Variants in OVOL2 observed in about 807,000 individuals in gnomAD.
OVOL2 encodes the protein ovo like zinc finger 2.
OVOL2 carries 13 observed loss-of-function variants against 18.1 expected under a neutral mutation model. The ratio of observed to expected loss-of-function variants is 0.72; its 90% confidence interval spans 0.47 to 1.14. OVOL2 has a LOEUF of 1.14. OVOL2 is among the 50% of genes most tolerant of loss of function. The probability of loss-of-function intolerance (pLI) is 0.00; values close to 1 mark genes in which losing one functional copy is unlikely to be tolerated. For missense variants in OVOL2, 335 were observed against 383.0 expected, an observed-to-expected ratio of 0.87 and a Z score of 1.05; for synonymous variants, 166 against 162.7, an observed-to-expected ratio of 1.02 and a Z score of -0.16.
upstream of OVOL2, among the ~76,000 whole-genome samples, chr20:18,058,287 G>A (rs1199695506): frequency 6.6e-6 from 1 of 151,928 alleles, no homozygotes; most frequent in Non-Finnish European, 1.5e-5. Flanking sequence ...AGCCTTCCTG[G>A]GGCTTGATGA....
At chr20:18,054,070 CAG>C (rs2036795034) in intron 2 of OVOL2, among the ~76,000 whole-genome samples, 1 of 152,224 alleles carries the variant, frequency 6.6e-6, no homozygotes, top group Non-Finnish European at 1.5e-5. Flanking sequence ...TGTCCTGCAG[CAG>C]AGTTAATAAT....
At position 18,031,029 on chromosome 20, in the gene OVOL2, C is replaced by T. The variant is rs1319345477; in HGVS notation, c.512-6077G>A. Among the ~76,000 whole-genome samples the T allele has an allele frequency of 1.6e-4, 25 of 152,328 alleles. No individual in the cohort carries two copies. In the East Asian group the frequency reaches 3.7e-3, roughly 22 times the overall value. ...ACTGATGCCAAGGCCCCTCCCACCACTGAGGCTCACCCATCTTGGTGCTCT... is the reference window on the plus strand; with the variant it reads ...ACTGATGCCAAGGCCCCTCCCACCATTGAGGCTCACCCATCTTGGTGCTCT... On this transcript the variant is annotated intron_variant, in intron 3 of 3. Coordinates refer to ENST00000278780, the MANE Select transcript of OVOL2 (RefSeq NM_021220.4).
intron 2 of OVOL2, among the ~76,000 whole-genome samples, chr20:18,050,918 G>A (rs1275064735): frequency 3.3e-5 from 5 of 152,202 alleles, no homozygotes. Flanking sequence ...AAAATGGGCA[G>A]CAGGTTACAG....
chr20:18,036,611 A>C (rs2036617109), intron 3 of OVOL2, among the ~76,000 whole-genome samples: 1 of 152,168 alleles, frequency 6.6e-6, no homozygotes, highest in Non-Finnish European at 1.5e-5. Flanking sequence ...AGTCACTAGA[A>C]GAGTAGGAGA....
chr20:18,053,150 CATCAACACG>C (rs2036784840), intron 2 of OVOL2, among the ~76,000 whole-genome samples: 1 of 152,206 alleles, frequency 6.6e-6, no homozygotes, highest in Admixed American at 6.5e-5. Flanking sequence ...CAGATCCACC[CATCAACACG>C]ATCAAGTTAG....
Position 18,057,691 on chromosome 20 carries a change from G to A in OVOL2, c.-57C>T. 6.7e-7 allele frequency: 1 copy of A among 1,498,708 alleles called. No individual in the cohort carries two copies. Among genetic ancestry groups the A allele is most frequent in the Non-Finnish European group, 8.9e-7 (1 of 1,123,196 alleles). The allele number at this position is 1,498,708 out of a possible 1,614,324, so 92.8% of individuals were successfully genotyped here. A position where few individuals can be genotyped will look rare whatever the true frequency, so the allele number is the denominator to read the frequency against. ...TCCTCCCGGCTGCTCCCCGCTAGGG[G>A]CAACGGCGGCGGCTCCGTCCCCGGC... On this transcript the variant is annotated 5_prime_UTR_variant, in exon 1 of 4. Coordinates refer to ENST00000278780, the MANE Select transcript of OVOL2 (RefSeq NM_021220.4). The surrounding 1 kb of genome is among the most constrained non-coding windows in gnomAD (Gnocchi z 6.3).
At chr20:18,041,457 G>C in intron 3 of OVOL2, 77 bp downstream of exon 3, 1 of 1,518,424 alleles carries the variant, frequency 6.6e-7, no homozygotes, top group Non-Finnish European at 9.0e-7. Flanking sequence ...TCTCAACCTG[G>C]TTTTTTGGTG....
chr20:18,055,246 A>C (rs187516343), intron 2 of OVOL2, among the ~76,000 whole-genome samples: 1 of 152,316 alleles, frequency 6.6e-6, no homozygotes, highest in East Asian at 1.9e-4. Flanking sequence ...CTTTCTCTCC[A>C]GGGGAATCTG....
chr20:18,057,591 G>A lies in OVOL2; in HGVS notation c.44C>T (p.Ser15Leu). Residue 15 changes from serine to leucine, a missense_variant, in exon 1 of 4, where the codon TCG becomes TTG. By Grantham distance (145) the Ser-to-Leu change is moderately radical (BLOSUM62 -2). Coordinates refer to ENST00000278780, the MANE Select transcript of OVOL2 (RefSeq NM_021220.4). The surrounding 1 kb of genome is among the most constrained non-coding windows in gnomAD (Gnocchi z 6.3). ...CGGGAGCTCATCCCAGCTGCGGACCGAGACCCCCAGGCTCCTCCTCTTCAC... is the reference window on the plus strand; with the variant it reads ...CGGGAGCTCATCCCAGCTGCGGACCAAGACCCCCAGGCTCCTCCTCTTCAC... ...FLVKRRSLGV[S>L]VRSWDELPDE... The A allele has an allele frequency of 6.9e-6, 11 of 1,597,614 alleles. No individual in the cohort carries two copies. Among genetic ancestry groups the A allele is most frequent in the Non-Finnish European group, 9.4e-6 (11 of 1,171,984 alleles).
At chr20:18,027,137 TA>T (rs1421293908) in intron 3 of OVOL2, among the ~76,000 whole-genome samples, 2 of 151,622 alleles carry the variant, frequency 1.3e-5, no homozygotes, top group Admixed American at 1.3e-4. Context: ...TTGAGACTGG[TA>T]TGTGACAGAA....
intron 3 of OVOL2, among the ~76,000 whole-genome samples, chr20:18,034,649 T>TCA (rs2036599316): frequency 6.9e-6 from 1 of 145,082 alleles, no homozygotes; most frequent in South Asian, 2.2e-4. Context: ...TCTCTCTCTC[T>TCA]CTCACACACA....
chr20:18,042,067 C>T (rs2036676352), intron 2 of OVOL2, among the ~76,000 whole-genome samples: 1 of 151,954 alleles, frequency 6.6e-6, no homozygotes, highest in South Asian at 2.1e-4. Context: ...CACATACAAC[C>T]ACGCCTGGCT....
chr20:18,036,543 C>T (rs927341296), intron 3 of OVOL2, among the ~76,000 whole-genome samples: 2 of 152,040 alleles, frequency 1.3e-5, no homozygotes, highest in Admixed American at 6.6e-5. Context: ...TTTGGGAAAA[C>T]GTCAGGTGGA....
At chr20:18,033,482 T>C (rs947206443) in intron 3 of OVOL2, among the ~76,000 whole-genome samples, 1 of 152,362 alleles carries the variant, frequency 6.6e-6, no homozygotes, top group South Asian at 2.1e-4. Flanking sequence ...CCCACGGATG[T>C]GTGTGCCCTT....
In OVOL2 at chr20:18,056,546, G is replaced by A. The variant is rs1277173984; in HGVS notation, c.321+111C>T. The A allele has an allele frequency of 7.1e-6, 8 of 1,127,754 alleles. No individual in the cohort carries two copies. Among genetic ancestry groups the A allele is most frequent in the African/African-American group, 6.6e-5 (4 of 60,658 alleles). The allele number at this position is 1,127,754 out of a possible 1,614,324, so 69.9% of individuals were successfully genotyped here. A position where few individuals can be genotyped will look rare whatever the true frequency, so the allele number is the denominator to read the frequency against. ...GGAGCGGCGCGGCGGGCGCGCTCGG[G>A]GCGCGGGTGCCGGGTTGCGCAGGCG... On this transcript the variant is annotated intron_variant, in intron 2 of 3. Transcript: ENST00000278780. The surrounding 1 kb of genome is among the most constrained non-coding windows in gnomAD (Gnocchi z 4.2).
At chr20:18,024,983 G>T (rs1235965509) in intron 3 of OVOL2, 31 bp from the exon 4 acceptor site, 1 of 1,586,972 alleles carries the variant, frequency 6.3e-7, no homozygotes, top group Non-Finnish European at 8.6e-7. Context: ...CACAGCATCG[G>T]TTGGTCATGG....
chr20:18,056,494 C>T lies in OVOL2; in HGVS notation c.321+163G>A, dbSNP rs2036826289. On this transcript the variant is annotated intron_variant, in intron 2 of 3. Transcript: ENST00000278780. This position sits in a 1 kb window ranked among gnomAD's most constrained non-coding sequence, Gnocchi z 4.2. ...CGGGCGGGAGGACGCGCCGAGGCGCCCTGGCCGCCGCCCAGGGGCAGGTGC... is the reference window on the plus strand; with the variant it reads ...CGGGCGGGAGGACGCGCCGAGGCGCTCTGGCCGCCGCCCAGGGGCAGGTGC... Among the ~76,000 whole-genome samples the T allele has an allele frequency of 6.6e-6, 1 of 150,774 alleles. No homozygotes were observed. Among genetic ancestry groups the T allele is most frequent in the African/African-American group, 2.4e-5 (1 of 41,250 alleles).
intron 2 of OVOL2, among the ~76,000 whole-genome samples, chr20:18,043,160 A>G (rs1247013988): frequency 6.6e-6 from 1 of 152,136 alleles, no homozygotes; most frequent in Non-Finnish European, 1.5e-5. Context: ...AGCAGAAAGG[A>G]GTCTGGGTCC....
rs1470322693 is a variant in OVOL2, at chr20:18,056,497, G to A, written c.321+160C>T. On this transcript the variant is annotated intron_variant, in intron 2 of 3. Transcript: ENST00000278780. The surrounding 1 kb of genome is among the most constrained non-coding windows in gnomAD (Gnocchi z 4.2). ...GCGGGAGGACGCGCCGAGGCGCCCTGGCCGCCGCCCAGGGGCAGGTGCAGG... is the reference window on the plus strand; with the variant it reads ...GCGGGAGGACGCGCCGAGGCGCCCTAGCCGCCGCCCAGGGGCAGGTGCAGG... 6.6e-6 allele frequency among the ~76,000 whole-genome samples: 1 copy of A among 150,680 alleles called. No homozygotes were observed. Among genetic ancestry groups the A allele is most frequent in the East Asian group, 1.9e-4 (1 of 5,170 alleles).
Sources: gnomAD v4.1 joint callset for allele counts (sites outside exome capture counted in the v4.1 genomes callset) on GRCh38, gnomAD v4.1.1 for gene constraint, Gnocchi (gnomAD v3.1) non-coding constraint, MANE v1.5 for transcripts, NCBI Gene and HGNC (gene_info 2026-07-23, HGNC 2026-07-21) for gene names.